Variants in CKAP5 observed in about 807,000 individuals in gnomAD.
The protein encoded by CKAP5 is cytoskeleton-associated protein 5.
CKAP5 carries 27 observed loss-of-function variants against 232.8 expected under a neutral mutation model. That is an observed-to-expected ratio of 0.12 (90% CI 0.09 to 0.16). The LOEUF (loss-of-function observed/expected upper bound fraction) is 0.16. Among genes scored for constraint, CKAP5 ranks in the 10% least tolerant of loss-of-function variants. The pLI is 1.00. For synonymous variants in CKAP5, 785 were observed against 841.1 expected, an observed-to-expected ratio of 0.93 and a Z score of 1.16; for missense variants, 1,838 against 2,424.7, an observed-to-expected ratio of 0.76 and a Z score of 5.08.
intron 8 of CKAP5, chr11:46,801,975 T>C (rs1939040833): frequency 6.6e-6 from 1 of 152,294 alleles, no homozygotes; most frequent in Admixed American, 6.5e-5. Context: ...GAAAAGGCAA[T>C]GTATCTCTGA....
chr11:46,836,004 C>CAA (rs1939909797), intron 1 of CKAP5, among the ~76,000 whole-genome samples: 2 of 152,126 alleles, frequency 1.3e-5, no homozygotes, highest in South Asian at 2.1e-4. Context: ...AGAAAAATAT[C>CAA]AGACAAAGAC....
At position 46,776,183 on chromosome 11, in the gene CKAP5, T is replaced by A. The variant is rs193295840; in HGVS notation, c.2991+72A>T. The A allele has an allele frequency of 2.8e-3, 3,655 of 1,306,676 alleles. 19 individuals carry two copies. Among genetic ancestry groups the A allele is most frequent in the Non-Finnish European group, 2.8e-3 (2,701 of 950,966 alleles). The allele number at this position is 1,306,676 out of a possible 1,614,324, so 80.9% of individuals were successfully genotyped here. On this transcript the variant is annotated intron_variant, in intron 24 of 43. Transcript: ENST00000529230. The stretch of plus-strand genomic sequence containing the variant: ...CTCATTCTAACCATAAATGCGTATT[T>A]ATCAGACAGGCCCAAGCCCCTATGG...
intron 1 of CKAP5, among the ~76,000 whole-genome samples, chr11:46,835,191 A>C (rs1939886928): frequency 6.6e-6 from 1 of 152,142 alleles, no homozygotes; most frequent in Non-Finnish European, 1.5e-5. Context: ...TCAATAAAAT[A>C]AAATATCAAC....
At chr11:46,824,423 T>C (rs1312949613) in intron 1 of CKAP5, among the ~76,000 whole-genome samples, 2 of 152,150 alleles carry the variant, frequency 1.3e-5, no homozygotes, top group African/African-American at 4.8e-5. Flanking sequence ...ACTCCATTCC[T>C]AGGTGTATAG....
chr11:46,744,165 C>G lies in CKAP5; in HGVS notation c.5957G>C (p.Arg1986Pro). 1 of 1,614,048 alleles carries G rather than the reference C, an allele frequency of 6.2e-7. No homozygotes were observed. ...DMLHSKLSQL[R>P]ESREQHQHSD... ...ATGCTGGTGCTGCTCCCGTGACTCC[C>G]GGAGCTGAGAGAGTTTGCTGTGGAG... Residue 1986 changes from arginine (R) to proline (P), a missense_variant, in exon 44 of 44, where the codon CGG (arginine) becomes CCG (proline). This residue lies in a region of CKAP5 where 62 missense variants were observed against 61.1 expected (regional missense o/e 1.01). Coordinates refer to ENST00000529230, the MANE Select transcript of CKAP5 (RefSeq NM_001008938.4).
In CKAP5 at chr11:46,809,334, T is replaced by C. The variant is rs1190651999; in HGVS notation, c.864+66A>G. 4 of 1,064,780 alleles carry C rather than the reference T, an allele frequency of 3.8e-6. No homozygotes were observed. The East Asian group carries it at 7.6e-5, about 20-fold the overall frequency. The allele number at this position is 1,064,780 out of a possible 1,614,324, so 66.0% of individuals were successfully genotyped here. A position where few individuals can be genotyped will look rare whatever the true frequency, so the allele number is the denominator to read the frequency against. ...TGCATCAGGCAAGGGCTCAGCAGAG[T>C]ATTCTAATTCTATTCAAGTAATTAT... On this transcript the variant is annotated intron_variant, in intron 7 of 43. Coordinates refer to ENST00000529230, the MANE Select transcript of CKAP5 (RefSeq NM_001008938.4).
chr11:46,820,988 C>T, intron 2 of CKAP5, 187 bp downstream of exon 2: 12 of 527,122 alleles, frequency 2.3e-5, no homozygotes, highest in South Asian at 8.1e-5. Context: ...GAATTCTTTC[C>T]AGAGACAAAA....
At position 46,751,340 on chromosome 11, in the gene CKAP5, A is replaced by G. The variant is rs141389940; in HGVS notation, c.5322+6T>C. On this transcript the variant is annotated splice_donor_region_variant and intron_variant, in intron 39 of 43. Coordinates refer to ENST00000529230, the MANE Select transcript of CKAP5 (RefSeq NM_001008938.4). ...CCCTCAGAGACCAGTTGCGATTCTT[A>G]CTCACCTTGGGCCCTTTTAATTTGC... 1 of 1,613,608 alleles carries G rather than the reference A, an allele frequency of 6.2e-7. No individual in the cohort carries two copies. Among genetic ancestry groups the G allele is most frequent in the African/African-American group, 1.3e-5 (1 of 74,956 alleles).
In CKAP5 at chr11:46,816,217, T is replaced by C. The variant is rs1466168960; in HGVS notation, c.439A>G (p.Thr147Ala). The change falls in exon 4 of 44, where the codon ACA becomes GCA. Residue 147 changes from threonine (T) to alanine (A), a missense_variant. Coordinates refer to ENST00000529230, the MANE Select transcript of CKAP5 (RefSeq NM_001008938.4). The part of the protein sequence containing the change: ...NPKIIVACIE[T>A]LRKALSEFGS... ...TCTTACCTTAAGGCTTTCCTCAGTG[T>C]CTCTATACAGGCCACTATGATCTTG... 6.2e-7 allele frequency: 1 copy of C among 1,613,942 alleles called. No individual in the cohort carries two copies.
At chr11:46,835,088 G>A (rs1341489174) in intron 1 of CKAP5, among the ~76,000 whole-genome samples, 3 of 151,854 alleles carry the variant, frequency 2.0e-5, no homozygotes, top group Non-Finnish European at 1.5e-5. Context: ...TTATCTTGTA[G>A]CAGTGCCTTC....
At chr11:46,762,292 A>C in intron 31 of CKAP5, 99 bp from the exon 32 acceptor site, 4 of 1,204,056 alleles carry the variant, frequency 3.3e-6, no homozygotes, top group Non-Finnish European at 4.8e-6. Context: ...TGAAGGACTA[A>C]AACCTTACTC....
chr11:46,776,312 C>T lies in CKAP5; in HGVS notation c.2934G>A (p.Leu978=). 6.2e-7 allele frequency: 1 copy of T among 1,613,980 alleles called. No individual in the cohort carries two copies. Among genetic ancestry groups the T allele is most frequent in the South Asian group, 1.1e-5 (1 of 91,062 alleles). ...GCTCTTCAGAAAGATCTTCTCCTTC[C>T]AGCCATTCCTTCATGCCAGTCTGTT... ...WAEQTGMKEW[L]EGEDLSEELK... The change falls in exon 24 of 44, where the codon CTG becomes CTA. Residue 978 remains leucine (L), a synonymous_variant. Transcript: ENST00000529230.
chr11:46,798,451 G>A (rs979150960), intron 9 of CKAP5, among the ~76,000 whole-genome samples: 1 of 151,838 alleles, frequency 6.6e-6, no homozygotes, highest in Non-Finnish European at 1.5e-5. Flanking sequence ...GTGGTGGTAT[G>A]TGCCTATGAT....
chr11:46,783,505 G>A lies in CKAP5; in HGVS notation c.2155-137C>T, dbSNP rs569929589. ...GCAAGAATGCCTTAGGAACAAGAGT[G>A]AACCTACACAAGAAAATGAGGTGAA... On this transcript the variant is annotated intron_variant, in intron 17 of 43. Coordinates refer to ENST00000529230, the MANE Select transcript of CKAP5 (RefSeq NM_001008938.4). The A allele has an allele frequency of 1.5e-4, 84 of 567,298 alleles. No homozygotes were observed. The Middle Eastern group carries it at 2.2e-3, about 15-fold the overall frequency. The allele number at this position is 567,298 out of a possible 1,614,324, so 35.1% of individuals were successfully genotyped here.
chr11:46,816,089 C>G (rs937461644), intron 4 of CKAP5, 109 bp downstream of exon 4: 7 of 859,072 alleles, frequency 8.1e-6, no homozygotes, highest in Non-Finnish European at 1.3e-5. Context: ...CCCCATCCCC[C>G]CAACACACAA....
chr11:46,807,183 TTATGTACTGATTGATGG>T (rs1161205969), intron 8 of CKAP5, among the ~76,000 whole-genome samples: 3 of 152,170 alleles, frequency 2.0e-5, no homozygotes, highest in African/African-American at 7.2e-5. Context: ...TAAAACAAAG[TTATGTACTGATTGATGG>T]AAATGTTGTG....
chr11:46,788,732 T>C lies in CKAP5; in HGVS notation c.1917A>G (p.Ala639=). The C allele has an allele frequency of 1.9e-6, 3 of 1,608,536 alleles. No individual in the cohort carries two copies. In the South Asian group the frequency reaches 3.3e-5, roughly 18 times the overall value. ...LMDRTEMPCQ[A]LVRMLAKKPG... is the part of the protein sequence containing the mutation. Reference sequence around the variant, plus strand: ...GTTTCTTGGCTAGCATCCTCACTAATGCCTGGCATGGCATTTCAGTTCGGT... The same window carrying C: ...GTTTCTTGGCTAGCATCCTCACTAACGCCTGGCATGGCATTTCAGTTCGGT... The change falls in exon 16 of 44, where the codon GCA becomes GCG. Residue 639 remains alanine, a synonymous_variant. Transcript: ENST00000529230.
chr11:46,754,858 G>A (rs756832565), intron 36 of CKAP5, 30 bp downstream of exon 36: 15 of 1,591,442 alleles, frequency 9.4e-6, no homozygotes, highest in Non-Finnish European at 1.3e-5. Context: ...AGATTGATGG[G>A]AAGCTGAAAT....
chr11:46,818,502 A>G lies in CKAP5; in HGVS notation c.59T>C (p.Leu20Pro). ...ATACCCACTTAACCTTGCTTTCCAC[A>G]GCTAAAAGAAAAGTAGTATTTTGAA... ...LPVDQKCEHK[L>P]WKARLSGYEE... Residue 20 changes from leucine to proline, a missense_variant and splice_region_variant, in exon 3 of 44, where the codon CTG becomes CCG. Leu to Pro is a moderately conservative substitution (Grantham distance 98, BLOSUM62 -3). Coordinates refer to ENST00000529230, the MANE Select transcript of CKAP5 (RefSeq NM_001008938.4). The G allele has an allele frequency of 6.5e-7, 1 of 1,549,024 alleles. No homozygotes were observed. The highest frequency in any genetic ancestry group is 8.7e-7 in the Non-Finnish European group (1 of 1,153,962).
Sources: gnomAD v4.1 joint callset for allele counts (sites outside exome capture counted in the v4.1 genomes callset) on GRCh38, gnomAD v4.1.1 for gene constraint, gnomAD v4.1.1 regional missense constraint, MANE v1.5 for transcripts, NCBI Gene and HGNC (gene_info 2026-07-23, HGNC 2026-07-21) for gene names.